DNAJC3: variants seen among roughly 807,000 people sequenced by gnomAD.
DNAJC3 encodes the protein dnaJ homolog subfamily C member 3.
In DNAJC3, 38 loss-of-function variants were observed where a neutral mutation model predicts 68.6. That is an observed-to-expected ratio of 0.55 (90% CI 0.43 to 0.73). The LOEUF (loss-of-function observed/expected upper bound fraction) is 0.73, where lower values mean the gene tolerates loss of function less well. Among genes scored for constraint, DNAJC3 ranks in the 30% least tolerant of loss-of-function variants. DNAJC3 has a pLI of 0.00. For synonymous variants in DNAJC3, 203 were observed against 204.0 expected, an observed-to-expected ratio of 1.00 and a Z score of 0.04; for missense variants, 526 against 591.9, an observed-to-expected ratio of 0.89 and a Z score of 1.16.
chr13:95,709,415 T>A, intron 2 of DNAJC3, 78 bp downstream of exon 2: 1 of 1,005,964 alleles, frequency 9.9e-7, no homozygotes, highest in Non-Finnish European at 1.4e-6. Context: ...AAAATAACAT[T>A]TAAAATAAAC....
intron 2 of DNAJC3, among the ~76,000 whole-genome samples, chr13:95,720,066 T>C (rs985793924): frequency 6.6e-6 from 1 of 152,246 alleles, no homozygotes; most frequent in East Asian, 1.9e-4. Context: ...GTGGAACCCA[T>C]GGATACAGAG....
intron 4 of DNAJC3, among the ~76,000 whole-genome samples, chr13:95,743,900 A>G (rs1882225631): frequency 6.6e-6 from 1 of 152,168 alleles, no homozygotes; most frequent in Admixed American, 6.5e-5. Flanking sequence ...AATATTGGGT[A>G]AAGTGATTCT....
chr13:95,739,227 C>A (rs1044601252), intron 4 of DNAJC3, among the ~76,000 whole-genome samples: 78 of 152,082 alleles, frequency 5.1e-4, no homozygotes, highest in Non-Finnish European at 6.2e-4. Flanking sequence ...TTGAGGGTAA[C>A]CCGACCTTCC....
Position 95,723,281 on chromosome 13 carries a change from C to G in DNAJC3, c.233C>G (p.Ala78Gly), listed in dbSNP as rs747106265. 1 of 1,611,392 alleles carries G rather than the reference C, an allele frequency of 6.2e-7. No individual in the cohort carries two copies. Among genetic ancestry groups the G allele is most frequent in the Non-Finnish European group, 8.5e-7 (1 of 1,178,000 alleles). The change falls in exon 3 of 12, where the codon GCT becomes GGT. Residue 78 changes from alanine (A) to glycine (G), a missense_variant. Coordinates refer to ENST00000602402, the MANE Select transcript of DNAJC3 (RefSeq NM_006260.5). ...AACTATATTGCTTATTATCGGAGGG[C>G]TACTGTCTTTTTAGCTATGGGCAAA... ...PDNYIAYYRRATVFLAMGKSK... is the reference protein window; with the variant it reads ...PDNYIAYYRRGTVFLAMGKSK...
rs773364591 is a variant in DNAJC3, at chr13:95,760,087, TATAAA to T, written c.596_600del (p.Ile199ArgfsTer5). Reference sequence around the variant, plus strand: ...TACGGGAACTTCGAGCTGAATGTTTTATAAAAGAAGGAGAACCTAGGAAAGCTATA... The same window carrying T: ...TACGGGAACTTCGAGCTGAATGTTTTAGAAGGAGAACCTAGGAAAGCTATA... On this transcript the variant is annotated frameshift_variant, in exon 6 of 12. Coordinates refer to ENST00000602402, the MANE Select transcript of DNAJC3 (RefSeq NM_006260.5). LOFTEE classifies it high-confidence loss of function. The T allele has an allele frequency of 6.2e-7, 1 of 1,611,208 alleles. No homozygotes were observed.
intron 4 of DNAJC3, among the ~76,000 whole-genome samples, chr13:95,755,600 T>C (rs1882631448): frequency 6.7e-6 from 1 of 149,788 alleles, no homozygotes; most frequent in South Asian, 2.1e-4. Context: ...CTACTAAAAA[T>C]ACAAAAATTA....
intron 4 of DNAJC3, among the ~76,000 whole-genome samples, chr13:95,735,849 T>G (rs61975185): frequency 0.014 from 2,194 of 152,162 alleles, 24 homozygotes; most frequent in Middle Eastern, 0.021. Context: ...GTCAATTTTG[T>G]CTTTTGTTGC....
Position 95,774,400 on chromosome 13 carries a change from A to G in DNAJC3, c.1075+10447A>G, listed in dbSNP as rs563545252. On this transcript the variant is annotated intron_variant, in intron 9 of 11. Transcript: ENST00000602402. ...TTCCATTGTGGTCAGAGAACATACT[A>G]GGTGTGATTTCCTTCCTTTTAAATT... Among the ~76,000 whole-genome samples, 41 of 152,264 alleles carry G rather than the reference A, an allele frequency of 2.7e-4. No homozygotes were observed. In the South Asian group the frequency reaches 8.1e-3, roughly 30 times the overall value.
At chr13:95,781,141 G>A (rs1221019484) in intron 9 of DNAJC3, among the ~76,000 whole-genome samples, 1 of 152,074 alleles carries the variant, frequency 6.6e-6, no homozygotes, top group East Asian at 1.9e-4. Flanking sequence ...TTTAACTTTG[G>A]TCTGGGTGGG....
intron 4 of DNAJC3, among the ~76,000 whole-genome samples, chr13:95,729,292 T>C (rs1289226247): frequency 6.5e-5 from 5 of 77,240 alleles, no homozygotes; most frequent in African/African-American, 1.0e-4. Context: ...CTCCCTCTCC[T>C]TCTCCCTCTC....
At chr13:95,778,933 T>C (rs1198891650) in intron 9 of DNAJC3, among the ~76,000 whole-genome samples, 3 of 152,138 alleles carry the variant, frequency 2.0e-5, no homozygotes, top group Admixed American at 2.0e-4. Flanking sequence ...ATTAAGACAG[T>C]GTTTGGACAG....
chr13:95,696,718 G>A (rs2139612632), intron 1 of DNAJC3, among the ~76,000 whole-genome samples: 1 of 152,138 alleles, frequency 6.6e-6, no homozygotes, highest in Middle Eastern at 3.4e-3. Context: ...CATTAGGTGA[G>A]GCTCTTGTAG....
intron 4 of DNAJC3, among the ~76,000 whole-genome samples, chr13:95,754,972 C>T (rs1665075515): frequency 6.6e-6 from 1 of 151,994 alleles, no homozygotes; most frequent in Non-Finnish European, 1.5e-5. Context: ...AATATTGTTA[C>T]AGGAAGGGAT....
chr13:95,694,942 G>C (rs1374906233), intron 1 of DNAJC3: 1 of 152,548 alleles, frequency 6.6e-6, no homozygotes, highest in Non-Finnish European at 1.5e-5. Flanking sequence ...AACAACTATA[G>C]CAACAGCGTT....
chr13:95,744,082 C>T (rs79844618), intron 4 of DNAJC3, among the ~76,000 whole-genome samples: 1 of 152,066 alleles, frequency 6.6e-6, no homozygotes, highest in Non-Finnish European at 1.5e-5. Context: ...TATGTTGAGT[C>T]CAGTGCATGA....
chr13:95,709,336 A>T lies in DNAJC3; in HGVS notation c.192A>T (p.Val64=), dbSNP rs1305206390. ...CTTTATCTCAGTTTCATGCTGCCGT[A>T]GGTTTGTATCATGGAACCAAATCAC... is the stretch of plus-strand genomic sequence containing the variant. ...ADALSQFHAA[V]DGDPDNYIAY... The change falls in exon 2 of 12, where the codon GTA becomes GTT. Residue 64 remains valine (V), a splice_region_variant and synonymous_variant. Coordinates refer to ENST00000602402, the MANE Select transcript of DNAJC3 (RefSeq NM_006260.5). The T allele has an allele frequency of 5.1e-6, 8 of 1,582,688 alleles. No homozygotes were observed. The highest frequency in any genetic ancestry group is 5.1e-6 in the Non-Finnish European group (6 of 1,167,142).
intron 9 of DNAJC3, 80 bp from the exon 10 acceptor site, chr13:95,785,859 T>A: frequency 7.3e-7 from 1 of 1,364,550 alleles, no homozygotes; most frequent in Non-Finnish European, 9.8e-7. Flanking sequence ...ATGACGACTT[T>A]AGCATCAATT....
intron 1 of DNAJC3, among the ~76,000 whole-genome samples, chr13:95,680,414 G>GA (rs1879882395): frequency 6.6e-6 from 1 of 152,076 alleles, no homozygotes; most frequent in African/African-American, 2.4e-5. Context: ...AGTTTTATTT[G>GA]AACCTAACCT....
chr13:95,762,553 C>T (rs904682908), intron 7 of DNAJC3, among the ~76,000 whole-genome samples: 3 of 152,068 alleles, frequency 2.0e-5, no homozygotes, highest in African/African-American at 7.2e-5. Context: ...TTTAGTTGTG[C>T]TTAGCTGGAG....
Sources: allele counts gnomAD v4.1 joint callset (sites outside exome capture counted in the v4.1 genomes callset), GRCh38; gene constraint gnomAD v4.1.1; transcripts MANE v1.5; gene names NCBI Gene and HGNC (gene_info 2026-07-23, HGNC 2026-07-21).